KLHDC4: variants seen among roughly 807,000 people sequenced by gnomAD.
KLHDC4 encodes kelch domain containing 4, also known as kelch domain-containing protein 4.
Under a neutral mutation model 62.4 loss-of-function variants are expected in KLHDC4, and 90 were observed. The observed-to-expected ratio is 1.44, with a 90% CI of 1.22 to 1.72. KLHDC4 has a LOEUF of 1.72. Ranked by LOEUF, KLHDC4 falls within the 40% of genes most tolerant of loss-of-function variation. The probability of loss-of-function intolerance (pLI) is 0.00; values close to 1 mark genes in which losing one functional copy is unlikely to be tolerated. For missense variants in KLHDC4, 1,025 were observed against 699.7 expected (o/e 1.47, Z -5.25); for synonymous variants, 386 against 284.4 (o/e 1.36, Z -3.59).
intron 8 of KLHDC4, among the ~76,000 whole-genome samples, chr16:87,713,344 C>A (rs566541948): frequency 6.6e-6 from 1 of 151,622 alleles, no homozygotes; most frequent in Admixed American, 6.6e-5. Flanking sequence ...GAACTACAGG[C>A]ACACACGCCA....
intron 7 of KLHDC4, among the ~76,000 whole-genome samples, chr16:87,715,673 G>C (rs939113727): frequency 6.6e-6 from 1 of 152,154 alleles, no homozygotes; most frequent in Admixed American, 6.5e-5. Context: ...TGAATCATTA[G>C]GACGATCCCC....
chr16:87,721,452 C>T (rs2038326216), intron 7 of KLHDC4, among the ~76,000 whole-genome samples: 1 of 144,222 alleles, frequency 6.9e-6, no homozygotes, highest in Admixed American at 7.0e-5. Context: ...CACCCAGAAA[C>T]AGGTGTGGCC....
At chr16:87,732,124 G>A (rs1011284042) in intron 5 of KLHDC4, among the ~76,000 whole-genome samples, 5 of 143,422 alleles carry the variant, frequency 3.5e-5, no homozygotes, top group African/African-American at 5.2e-5. Context: ...TTGAGACAGC[G>A]TTTCATTCTT....
intron 7 of KLHDC4, among the ~76,000 whole-genome samples, chr16:87,721,368 T>C (rs1411227862): frequency 1.4e-5 from 2 of 143,454 alleles, no homozygotes; most frequent in Admixed American, 1.4e-4. Context: ...GCGCCGAGAT[T>C]GCCCCACTGC....
intron 5 of KLHDC4, among the ~76,000 whole-genome samples, chr16:87,743,973 G>A (rs974034099): frequency 5.3e-5 from 8 of 151,020 alleles, no homozygotes; most frequent in Non-Finnish European, 1.2e-4. Context: ...AAATCCTTCT[G>A]GACTTTTAAC....
intron 6 of KLHDC4, among the ~76,000 whole-genome samples, chr16:87,728,884 C>G (rs1436641357): frequency 2.0e-5 from 3 of 152,166 alleles, no homozygotes; most frequent in Non-Finnish European, 4.4e-5. Context: ...AAGCGATTCT[C>G]TTGTATCAGC....
intron 4 of KLHDC4, 30 bp downstream of exon 4, chr16:87,755,149 CACGTGGGAAGAGGGA>C: frequency 7.5e-7 from 1 of 1,327,960 alleles, no homozygotes; most frequent in Non-Finnish European, 1.1e-6. Context: ...ACCAGACTCC[CACGTGGGAAGAGGGA>C]GGGTGGCTGA....
intron 1 of KLHDC4, 102 bp from the exon 2 acceptor site, chr16:87,762,142 C>T: frequency 1.3e-6 from 2 of 1,545,848 alleles, no homozygotes; most frequent in Non-Finnish European, 1.7e-6. Context: ...CGACTGGGCT[C>T]AGTCACATCT....
chr16:87,735,451 G>A (rs977406730), intron 5 of KLHDC4, among the ~76,000 whole-genome samples: 3 of 152,192 alleles, frequency 2.0e-5, no homozygotes, highest in African/African-American at 7.2e-5. Context: ...CCCATAGATG[G>A]GGCGCCCCCC....
chr16:87,730,809 C>T (rs1344539095), intron 5 of KLHDC4, 165 bp from the exon 6 acceptor site: 3 of 585,914 alleles, frequency 5.1e-6, no homozygotes, highest in East Asian at 6.3e-5. Context: ...ACTACCAAAA[C>T]CATCCTGCTA....
intron 5 of KLHDC4, among the ~76,000 whole-genome samples, chr16:87,746,469 G>C (rs186119024): frequency 6.6e-6 from 1 of 152,264 alleles, no homozygotes; most frequent in East Asian, 1.9e-4. Context: ...CTCACAACAG[G>C]CTGTGTCTCC....
exon 1 of KLHDC4, chr16:87,700,700 AGGTTGGAGGGCGGAGGGAG>A (rs2034101783): frequency 1.3e-5 from 2 of 157,466 alleles, no homozygotes; most frequent in African/African-American, 8.5e-5. Context: ...CGGAGGGAGG[AGGTTGGAGGGCGGAGGGAG>A]GAGGTTGGAG....
intron 1 of KLHDC4, chr16:87,765,316 G>T (rs1024240276): frequency 4.4e-6 from 2 of 456,274 alleles, no homozygotes; most frequent in African/African-American, 2.0e-5. Flanking sequence ...CACTGCTCAG[G>T]GCTGCTGTGA....
chr16:87,751,117 C>T (rs1597340023), intron 4 of KLHDC4, among the ~76,000 whole-genome samples: 2 of 152,152 alleles, frequency 1.3e-5, no homozygotes, highest in African/African-American at 2.4e-5. Context: ...AATACATCAA[C>T]GGTAAAAAAC....
In KLHDC4 at chr16:87,730,494, A is replaced by G. The variant is rs1032022077; in HGVS notation, c.599+58T>C. On this transcript the variant is annotated intron_variant, in intron 6 of 11. Transcript: ENST00000270583. The stretch of plus-strand genomic sequence containing the variant: ...TGTGTATTCAGAATGCTCTTTCTAT[A>G]AAAAGCCCACTCCTTAATGCTTCAG... 2.9e-6 allele frequency: 4 copies of G among 1,371,354 alleles called. No individual in the cohort carries two copies. The African/African-American group carries it at 5.9e-5, about 20-fold the overall frequency. 84.9% of individuals were successfully genotyped at this position (1,371,354 alleles called of 1,614,324 possible). A position where few individuals can be genotyped will look rare whatever the true frequency, so the allele number is the denominator to read the frequency against.
intron 5 of KLHDC4, among the ~76,000 whole-genome samples, chr16:87,744,002 G>A (rs1376475202): frequency 1.3e-5 from 2 of 152,190 alleles, no homozygotes; most frequent in East Asian, 1.9e-4. Context: ...TTGAGGGCCA[G>A]GCGTGGTGGC....
intron 7 of KLHDC4, among the ~76,000 whole-genome samples, chr16:87,722,256 G>A (rs1421461410): frequency 4.6e-5 from 7 of 152,180 alleles, no homozygotes; most frequent in Admixed American, 1.3e-4. Context: ...CAAAGCTGCC[G>A]GTTCTTCGTG....
chr16:87,736,993 T>C (rs1176559573), intron 5 of KLHDC4, among the ~76,000 whole-genome samples: 11 of 148,124 alleles, frequency 7.4e-5, no homozygotes, highest in African/African-American at 2.5e-4. Context: ...GGCATGGTGG[T>C]AGGCACCTGT....
chr16:87,748,498 T>C (rs1280362957), intron 5 of KLHDC4, among the ~76,000 whole-genome samples, 175 bp downstream of exon 5: 4 of 151,996 alleles, frequency 2.6e-5, no homozygotes, highest in African/African-American at 7.3e-5. Flanking sequence ...CAGGCTTCTG[T>C]ATGAAGGGTC....
Sources: gnomAD v4.1 joint callset for allele counts (sites outside exome capture counted in the v4.1 genomes callset) on GRCh38, gnomAD v4.1.1 for gene constraint, MANE v1.5 for transcripts, NCBI Gene and HGNC (gene_info 2026-07-23, HGNC 2026-07-21) for gene names.